FGF14: variants seen among roughly 807,000 people sequenced by gnomAD.
FGF14 encodes fibroblast growth factor homologous factor 4.
Under a neutral mutation model 25.5 loss-of-function variants are expected in FGF14, and 5 were observed. The ratio of observed to expected loss-of-function variants is 0.20; its 90% CI spans 0.10 to 0.41. FGF14 has a LOEUF of 0.41. FGF14 is among the 10% of genes least tolerant of loss of function. The probability of loss-of-function intolerance (pLI) is 1.00; values close to 1 mark genes in which losing one functional copy is unlikely to be tolerated. For synonymous variants in FGF14, 138 were observed against 118.3 expected, an observed-to-expected ratio of 1.17 and a Z score of -1.08; for missense variants, 222 against 320.1, an observed-to-expected ratio of 0.69 and a Z score of 2.34.
At chr13:101,735,378 TA>T (rs1181123773) in intron 3 of FGF14, among the ~76,000 whole-genome samples, 2 of 151,924 alleles carry the variant, frequency 1.3e-5, no homozygotes, top group African/African-American at 2.4e-5. Flanking sequence ...TACCTACAGA[TA>T]AAAAAATATA....
intron 1 of FGF14, among the ~76,000 whole-genome samples, chr13:102,390,114 T>C (rs1490165750): frequency 1.3e-5 from 2 of 152,218 alleles, no homozygotes; most frequent in Admixed American, 1.3e-4. Flanking sequence ...CTTCATGATT[T>C]AATGATATGA....
intron 1 of FGF14, among the ~76,000 whole-genome samples, chr13:101,922,693 T>C (rs9557759): frequency 0.32 from 48,542 of 151,872 alleles, 8,454 homozygotes; most frequent in East Asian, 0.73. Context: ...AACAGCCTTA[T>C]TGAAATTGAA....
At chr13:101,756,979 C>G (rs531830687) in intron 3 of FGF14, among the ~76,000 whole-genome samples, 1 of 152,084 alleles carries the variant, frequency 6.6e-6, no homozygotes, top group East Asian at 1.9e-4. Context: ...TTAAGTACTA[C>G]AAAAAAATAT....
At chr13:101,835,002 T>C (rs548947437) in intron 3 of FGF14, among the ~76,000 whole-genome samples, 5 of 152,082 alleles carry the variant, frequency 3.3e-5, no homozygotes, top group Admixed American at 6.6e-5. Context: ...AGGTTAACTA[T>C]GATGGCCTAT....
intron 1 of FGF14, among the ~76,000 whole-genome samples, chr13:102,258,656 C>G (rs1321644525): frequency 2.0e-5 from 3 of 152,154 alleles, no homozygotes; most frequent in African/African-American, 4.8e-5. Context: ...CCCAAGCTCC[C>G]TGGAATGATA....
intron 1 of FGF14, among the ~76,000 whole-genome samples, chr13:101,965,987 C>T (rs192604107): frequency 6.6e-6 from 1 of 152,160 alleles, no homozygotes; most frequent in African/African-American, 2.4e-5. Context: ...ACCAGAACCA[C>T]AATCAACTTT....
At chr13:102,302,134 C>T (rs2055098937) in intron 1 of FGF14, among the ~76,000 whole-genome samples, 1 of 152,070 alleles carries the variant, frequency 6.6e-6, no homozygotes, top group African/African-American at 2.4e-5. Context: ...GCTTTCTTAC[C>T]AGATTAAGGA....
intron 1 of FGF14, among the ~76,000 whole-genome samples, chr13:102,296,391 C>T (rs528274480): frequency 2.0e-5 from 3 of 152,164 alleles, no homozygotes; most frequent in East Asian, 1.9e-4. Context: ...CTCTGCACAC[C>T]GTATTGGAAT....
At chr13:101,841,383 A>AT (rs1020536807) in intron 3 of FGF14, among the ~76,000 whole-genome samples, 12 of 151,850 alleles carry the variant, frequency 7.9e-5, no homozygotes, top group South Asian at 4.2e-4. Flanking sequence ...ATCTGTGCTG[A>AT]TTTTTTTTCC....
At chr13:101,993,101 T>C (rs762458468) in intron 1 of FGF14, among the ~76,000 whole-genome samples, 1 of 150,682 alleles carries the variant, frequency 6.6e-6, no homozygotes, top group Non-Finnish European at 1.5e-5. Context: ...ACCTTACATA[T>C]ACAGAAATGA....
At chr13:101,872,221 C>T (rs1172616405) in intron 2 of FGF14, among the ~76,000 whole-genome samples, 2 of 151,268 alleles carry the variant, frequency 1.3e-5, no homozygotes, top group East Asian at 2.0e-4. Context: ...TTATGGATAA[C>T]TAACCCATGG....
chr13:102,013,595 TG>T (rs2040191887), intron 1 of FGF14, among the ~76,000 whole-genome samples: 1 of 152,206 alleles, frequency 6.6e-6, no homozygotes, highest in Admixed American at 6.5e-5. Context: ...GTGCAATTCT[TG>T]AATAACAGAA....
chr13:102,068,308 G>A (rs2042988251), intron 1 of FGF14, among the ~76,000 whole-genome samples: 2 of 152,234 alleles, frequency 1.3e-5, no homozygotes, highest in African/African-American at 4.8e-5. Context: ...GTGACAGCGT[G>A]CTGGCAGTCC....
intron 1 of FGF14, among the ~76,000 whole-genome samples, chr13:101,891,365 G>A (rs992563323): frequency 2.6e-5 from 4 of 152,120 alleles, no homozygotes; most frequent in Admixed American, 6.6e-5. Flanking sequence ...CGTTCAGATA[G>A]TGCCATCCCA....
At chr13:102,247,109 T>C (rs1007857060) in intron 1 of FGF14, among the ~76,000 whole-genome samples, 1 of 152,038 alleles carries the variant, frequency 6.6e-6, no homozygotes, top group Non-Finnish European at 1.5e-5. Flanking sequence ...AATTTAAATA[T>C]AAAATCAAAA....
At chr13:102,065,058 C>T (rs1000448833) in intron 1 of FGF14, among the ~76,000 whole-genome samples, 1 of 151,878 alleles carries the variant, frequency 6.6e-6, no homozygotes, top group African/African-American at 2.4e-5. Context: ...TTAAAGAATT[C>T]CAAAAATTTA....
chr13:101,799,863 G>A (rs1473099589), intron 3 of FGF14, among the ~76,000 whole-genome samples: 1 of 152,114 alleles, frequency 6.6e-6, no homozygotes, highest in Admixed American at 6.6e-5. Flanking sequence ...ATAGTCTTCA[G>A]AATTGTCCAC....
chr13:102,372,361 C>T (rs1173275412), intron 1 of FGF14, among the ~76,000 whole-genome samples: 1 of 152,128 alleles, frequency 6.6e-6, no homozygotes, highest in South Asian at 2.1e-4. Flanking sequence ...CCTATTTATA[C>T]TAACAGAAAT....
chr13:102,025,391 T>C (rs565795231), intron 1 of FGF14, among the ~76,000 whole-genome samples: 2 of 152,184 alleles, frequency 1.3e-5, no homozygotes, highest in South Asian at 4.1e-4. Context: ...GATGATGTTC[T>C]GTAGCTCTCA....
Sources: gnomAD v4.1 joint callset for allele counts (sites outside exome capture counted in the v4.1 genomes callset) on GRCh38, gnomAD v4.1.1 for gene constraint, MANE v1.5 for transcripts, NCBI Gene and HGNC (gene_info 2026-07-23, HGNC 2026-07-21) for gene names.